The following S100PBP variants were observed in gnomAD, a reference collection of about 807,000 sequenced individuals.
S100PBP encodes the protein S100P-binding protein.
A neutral mutation model predicts 39.9 loss-of-function variants in S100PBP; 15 were observed. The ratio of observed to expected loss-of-function variants is 0.38; its 90% CI spans 0.25 to 0.58. The LOEUF (loss-of-function observed/expected upper bound fraction) is 0.58, where lower values mean the gene tolerates loss of function less well. S100PBP is among the 20% of genes least tolerant of loss of function. The pLI, the probability that S100PBP is intolerant of heterozygous loss-of-function variation, is 0.70. For missense variants in S100PBP, 504 were observed against 487.3 expected (o/e 1.03, Z -0.32); for synonymous variants, 178 against 180.3 (o/e 0.99, Z 0.10).
At chr1:32,833,552 C>G (rs1190617031) in intron 5 of S100PBP, among the ~76,000 whole-genome samples, 1 of 151,762 alleles carries the variant, frequency 6.6e-6, no homozygotes, top group Non-Finnish European at 1.5e-5. Context: ...AGTAGAGACA[C>G]GGTTTCACCA....
At chr1:32,817,159 A>G (rs1426669918), upstream of S100PBP, 9 of 1,613,714 alleles carry the variant, frequency 5.6e-6, no homozygotes, top group African/African-American at 9.3e-5. Flanking sequence ...CTAATCCCCA[A>G]CGGCGCATTT....
chr1:32,854,433 T>C (rs1640744526), intron 6 of S100PBP, among the ~76,000 whole-genome samples: 1 of 152,232 alleles, frequency 6.6e-6, no homozygotes, highest in Non-Finnish European at 1.5e-5. Context: ...ACATGTTCGA[T>C]ACAGATGGAA....
intron 5 of S100PBP, among the ~76,000 whole-genome samples, chr1:32,841,942 T>C (rs959613717): frequency 6.6e-6 from 1 of 151,178 alleles, no homozygotes; most frequent in African/African-American, 2.4e-5. Flanking sequence ...CCCAGCACTT[T>C]GGGAGGCTCA....
intron 6 of S100PBP, among the ~76,000 whole-genome samples, chr1:32,853,535 T>G (rs1640708599): frequency 1.6e-4 from 22 of 139,916 alleles, no homozygotes; most frequent in African/African-American, 2.1e-4. Flanking sequence ...AGGAATGTAG[T>G]GGGGAGTAGG....
intron 6 of S100PBP, 81 bp from the exon 7 acceptor site, chr1:32,855,843 G>A (rs1413800553): frequency 1.4e-6 from 1 of 723,316 alleles, no homozygotes; most frequent in Non-Finnish European, 2.3e-6. Flanking sequence ...TCTTAAAATT[G>A]TTGTGCTGGC....
chr1:32,846,838 G>C (rs1007285455), intron 5 of S100PBP: 2 of 151,052 alleles, frequency 1.3e-5, no homozygotes, highest in African/African-American at 4.9e-5. Context: ...CTGTAGTGCA[G>C]TGGTGCGATC....
At chr1:32,846,371 T>TTTC (rs1640376721) in intron 5 of S100PBP, among the ~76,000 whole-genome samples, 1 of 151,968 alleles carries the variant, frequency 6.6e-6, no homozygotes, top group African/African-American at 2.4e-5. Flanking sequence ...TTTTTTTTTT[T>TTTC]TCCAGTCTCA....
chr1:32,836,529 C>G lies in S100PBP; in HGVS notation c.1024+6462C>G, dbSNP rs770882662. On this transcript the variant is annotated intron_variant, in intron 5 of 6. Coordinates refer to ENST00000373475, the MANE Select transcript of S100PBP (RefSeq NM_022753.4). Reference sequence around the variant, plus strand: ...TTGTGTCCCAACTAAGTATTGTTCACTGAAAAGCCAAGTAGTATATTATGG... The same window carrying G: ...TTGTGTCCCAACTAAGTATTGTTCAGTGAAAAGCCAAGTAGTATATTATGG... The G allele has an allele frequency of 1.1e-4, 105 of 980,126 alleles. No individual in the cohort carries two copies. The South Asian group carries it at 3.5e-3, about 33-fold the overall frequency. The allele number at this position is 980,126 out of a possible 1,614,324, so 60.7% of individuals were successfully genotyped here.
At chr1:32,818,815 T>C (rs1434712416) in intron 1 of S100PBP, 2 of 152,264 alleles carry the variant, frequency 1.3e-5, no homozygotes, top group African/African-American at 4.8e-5. Flanking sequence ...TATGGAGTGA[T>C]AAAGCCTGCT....
In S100PBP at chr1:32,830,639, T is replaced by C. The variant is rs139622396; in HGVS notation, c.1024+572T>C. Among the ~76,000 whole-genome samples the C allele has an allele frequency of 6.6e-5, 10 of 152,306 alleles. No individual in the cohort carries two copies. The East Asian group carries it at 1.9e-3, about 29-fold the overall frequency. ...CAAGAGAGTACAGTCCATGTTATCATTCAGCCTGAACTATTGGCTGATGGG... is the reference window on the plus strand; with the variant it reads ...CAAGAGAGTACAGTCCATGTTATCACTCAGCCTGAACTATTGGCTGATGGG... On this transcript the variant is annotated intron_variant, in intron 5 of 6. Coordinates refer to ENST00000373475, the MANE Select transcript of S100PBP (RefSeq NM_022753.4).
chr1:32,834,087 C>A (rs1639716561), intron 5 of S100PBP: 2 of 279,076 alleles, frequency 7.2e-6, no homozygotes, highest in Non-Finnish European at 1.5e-5. Context: ...ATTTAAAAAA[C>A]TGTTACATGT....
chr1:32,824,822 C>CTATATATATATATATATATA (rs1639250006), intron 1 of S100PBP: 1 of 19,544 alleles, frequency 5.1e-5, no homozygotes, highest in African/African-American at 1.3e-4. Context: ...TGCATTTTTT[C>CTATATATATATATATATATA]TATACATATA....
rs1276968545 is a variant in S100PBP at position 32,830,032 on chromosome 1, T to C, written c.989T>C (p.Ile330Thr). 1.9e-6 allele frequency: 3 copies of C among 1,613,682 alleles called. No individual in the cohort carries two copies. Among genetic ancestry groups the C allele is most frequent in the Non-Finnish European group, 2.5e-6 (3 of 1,179,668 alleles). The change falls in exon 5 of 7, where the codon ATT becomes ACT. Residue 330 changes from isoleucine to threonine, a missense_variant. Ile to Thr is a moderately conservative substitution (Grantham distance 89). Transcript: ENST00000373475. ...AAGCAGCTTTATCTCAGGAGTGTCA[T>C]TGCTCATATAGAAGACCCAGAGGAC... ...QQKQLYLRSV[I>T]AHIEDPEDTN...
At chr1:32,854,371 A>G (rs1640742248) in intron 6 of S100PBP, among the ~76,000 whole-genome samples, 1 of 152,206 alleles carries the variant, frequency 6.6e-6, no homozygotes, top group Non-Finnish European at 1.5e-5. Flanking sequence ...TGCTATGCAA[A>G]TAGTTGTTAT....
chr1:32,845,847 T>G (rs1020468671), intron 5 of S100PBP, among the ~76,000 whole-genome samples: 12 of 151,364 alleles, frequency 7.9e-5, no homozygotes, highest in South Asian at 4.2e-4. Flanking sequence ...CTGGCTAATT[T>G]TTTGTATTTT....
In S100PBP at chr1:32,856,376, G is replaced by A. The variant is rs1377493951; in HGVS notation, c.*338G>A. ...GTTCAAGCAAAAGACCCACCTCTCT[G>A]CAGAGGCAAAGTCTACTTTCTGGTA... is the stretch of plus-strand genomic sequence containing the variant. On this transcript the variant is annotated 3_prime_UTR_variant, in exon 7 of 7. Coordinates refer to ENST00000373475, the MANE Select transcript of S100PBP (RefSeq NM_022753.4). The A allele has an allele frequency of 6.1e-6, 1 of 165,188 alleles. No individual in the cohort carries two copies. Among genetic ancestry groups the A allele is most frequent in the Non-Finnish European group, 1.3e-5 (1 of 75,840 alleles). The allele number at this position is 165,188 out of a possible 1,614,324, so 10.2% of individuals were successfully genotyped here.
chr1:32,830,483 A>G (rs1639546748), intron 5 of S100PBP, among the ~76,000 whole-genome samples: 1 of 152,226 alleles, frequency 6.6e-6, no homozygotes, highest in Non-Finnish European at 1.5e-5. Flanking sequence ...TTCAAACACC[A>G]TTCTGCATTT....
chr1:32,844,491 TTA>T (rs1041018056), intron 5 of S100PBP, among the ~76,000 whole-genome samples: 8 of 152,196 alleles, frequency 5.3e-5, no homozygotes, highest in African/African-American at 1.9e-4. Context: ...TTACTAATTT[TTA>T]TGAGATGGGG....
At chr1:32,842,534 G>A (rs978320879) in intron 5 of S100PBP, among the ~76,000 whole-genome samples, 1 of 151,854 alleles carries the variant, frequency 6.6e-6, no homozygotes, top group Non-Finnish European at 1.5e-5. Context: ...AAGGCTTGGT[G>A]GGATTTCCAT....
Sources: gnomAD v4.1 joint callset for allele counts (sites outside exome capture counted in the v4.1 genomes callset) on GRCh38, gnomAD v4.1.1 for gene constraint, MANE v1.5 for transcripts, NCBI Gene and HGNC (gene_info 2026-07-23, HGNC 2026-07-21) for gene names.